The following FUBP3 variants were observed in gnomAD, a reference collection of about 807,000 sequenced individuals.
FUBP3 encodes the protein far upstream element binding protein 3.
In FUBP3, 28 loss-of-function variants were observed where a neutral mutation model predicts 85.6. That is an observed-to-expected ratio of 0.33 (90% confidence interval 0.24 to 0.45). FUBP3 has a LOEUF of 0.45. Among genes scored for constraint, FUBP3 ranks in the 20% least tolerant of loss-of-function variants. FUBP3 has a pLI of 1.00. For missense variants in FUBP3, 583 were observed against 755.1 expected (o/e 0.77, Z 2.67); for synonymous variants, 271 against 271.4 (o/e 1.00, Z 0.01).
intron 16 of FUBP3, among the ~76,000 whole-genome samples, chr9:130,632,872 C>T (rs1442383678): frequency 6.6e-6 from 1 of 152,292 alleles, no homozygotes; most frequent in Non-Finnish European, 1.5e-5. Flanking sequence ...GGTTTCAGAG[C>T]TGGTCTAGCC....
chr9:130,612,998 A>T lies in FUBP3; in HGVS notation c.317A>T (p.Glu106Val). 6.2e-7 allele frequency: 1 copy of T among 1,612,814 alleles called. No individual in the cohort carries two copies. The highest frequency in any genetic ancestry group is 2.2e-5 in the East Asian group (1 of 44,882). ...GGEQISRIQA[E>V]SGCKIQIASE... ...GAGCAGATTTCACGGATTCAAGCAG[A>T]ATCTGGTTGCAAAATTCAGATTGCT... Residue 106 changes from glutamate to valine, a missense_variant, in exon 5 of 19, where the codon GAA becomes GTA. Glu to Val is a moderately radical substitution (Grantham distance 121, BLOSUM62 -2). Coordinates refer to ENST00000319725, the MANE Select transcript of FUBP3 (RefSeq NM_003934.2). This position sits in a 1 kb window ranked among gnomAD's most constrained non-coding sequence, Gnocchi z 4.1.
chr9:130,636,493 C>T (rs1409763374), intron 18 of FUBP3, among the ~76,000 whole-genome samples: 2 of 152,258 alleles, frequency 1.3e-5, no homozygotes, highest in African/African-American at 2.4e-5. Flanking sequence ...CCGGCGACTG[C>T]TCTCGAGGAG....
At chr9:130,628,674 C>T (rs1302491898) in intron 12 of FUBP3, among the ~76,000 whole-genome samples, 1 of 152,232 alleles carries the variant, frequency 6.6e-6, no homozygotes, top group Non-Finnish European at 1.5e-5. Context: ...CTTTTGCCTC[C>T]AGACCAAGTG....
chr9:130,623,782 G>A, intron 11 of FUBP3, 71 bp downstream of exon 11: 1 of 995,006 alleles, frequency 1.0e-6, no homozygotes. Flanking sequence ...GGCTCTCGGT[G>A]CAGCACCATA....
At position 130,635,306 on chromosome 9, in the gene FUBP3, C is replaced by T. The variant is rs558884118; in HGVS notation, c.1582+568C>T. On this transcript the variant is annotated intron_variant, in intron 17 of 18. Transcript: ENST00000319725. The surrounding 1 kb of genome is among the most constrained non-coding windows in gnomAD (Gnocchi z 4.3). ...AACAAGCAAAAGGTCTCTGGGGAGT[C>T]ACATAAAATCAGGACCAGACTCTCG... 1.3e-5 allele frequency among the ~76,000 whole-genome samples: 2 copies of T among 152,290 alleles called. No individual in the cohort carries two copies. The highest frequency in any genetic ancestry group is 4.8e-5 in the African/African-American group (2 of 41,546).
At chr9:130,610,057 A>G in intron 3 of FUBP3, 70 bp downstream of exon 3, 4 of 1,204,944 alleles carry the variant, frequency 3.3e-6, no homozygotes, top group Non-Finnish European at 4.9e-6. Flanking sequence ...CATCTGTACT[A>G]GAGTGCTAGA....
chr9:130,630,825 T>G, intron 13 of FUBP3, 37 bp downstream of exon 13: 1 of 1,405,908 alleles, frequency 7.1e-7, no homozygotes. Context: ...GGTTTACTCA[T>G]AGCTGTTTTC....
Position 130,631,592 on chromosome 9 carries a change from G to C in FUBP3, c.1314G>C (p.Gln438His). Reference sequence around the variant, plus strand: ...TCGGAGCACCTGGAGCCTTCGGACAGAGTCCATTCAGCCAGCCACCTGCCC... The same window carrying C: ...TCGGAGCACCTGGAGCCTTCGGACACAGTCCATTCAGCCAGCCACCTGCCC... Reference protein sequence around the residue: ...TNLGAPGAFGQSPFSQPPAPP... With the variant: ...TNLGAPGAFGHSPFSQPPAPP... The change falls in exon 14 of 19, where the codon CAG becomes CAC. Residue 438 changes from glutamine (Q) to histidine (H), a missense_variant. Physicochemically the swap from Gln to His is conservative, Grantham distance 24. Coordinates refer to ENST00000319725, the MANE Select transcript of FUBP3 (RefSeq NM_003934.2). 1 of 1,614,092 alleles carries C rather than the reference G, an allele frequency of 6.2e-7. No homozygotes were observed. The highest frequency in any genetic ancestry group is 8.5e-7 in the Non-Finnish European group (1 of 1,179,928).
At chr9:130,617,762 A>G (rs1832081494) in intron 7 of FUBP3, 35 bp from the exon 8 acceptor site, 1 of 1,253,302 alleles carries the variant, frequency 8.0e-7, no homozygotes, top group African/African-American at 1.5e-5. Context: ...GCCCTGCATT[A>G]TTCATGAGGC....
chr9:130,602,290 G>A (rs964040882), intron 2 of FUBP3, among the ~76,000 whole-genome samples: 8 of 152,254 alleles, frequency 5.3e-5, no homozygotes, highest in Admixed American at 1.3e-4. Flanking sequence ...GTATTCTTAC[G>A]GGGTAAAGGA....
intron 16 of FUBP3, 28 bp from the exon 17 acceptor site, chr9:130,634,638 GC>G: frequency 6.2e-7 from 1 of 1,604,168 alleles, no homozygotes; most frequent in Non-Finnish European, 8.5e-7. Context: ...AGCCCGTAAG[GC>G]CTGACTGCTT....
At chr9:130,624,685 G>A (rs1054228055) in intron 11 of FUBP3, among the ~76,000 whole-genome samples, 2 of 151,456 alleles carry the variant, frequency 1.3e-5, no homozygotes, top group Non-Finnish European at 2.9e-5. Context: ...TAATGTTAGT[G>A]TATTTTATGG....
chr9:130,622,876 T>C, intron 10 of FUBP3, 66 bp downstream of exon 10: 1 of 753,386 alleles, frequency 1.3e-6, no homozygotes, highest in South Asian at 2.0e-5. Context: ...GTTAAAAGGA[T>C]GATAAAACAC....
rs1165157422 is a variant in FUBP3 at position 130,616,208 on chromosome 9, C to T, written c.405-147C>T. The T allele has an allele frequency of 1.0e-5, 7 of 686,394 alleles. No homozygotes were observed. The highest frequency in any genetic ancestry group is 1.8e-5 in the African/African-American group (1 of 55,502). The allele number at this position is 686,394 out of a possible 1,614,324, so 42.5% of individuals were successfully genotyped here. A position where few individuals can be genotyped will look rare whatever the true frequency, so the allele number is the denominator to read the frequency against. On this transcript the variant is annotated intron_variant, in intron 6 of 18. Transcript: ENST00000319725. The surrounding 1 kb of genome is among the most constrained non-coding windows in gnomAD (Gnocchi z 4.7). The stretch of plus-strand genomic sequence containing the variant: ...GGTAGCGTGGCGGATGGCAGAGAGA[C>T]CTCCGGGTTGTGGGGGCAGGAGCTG...
chr9:130,614,259 AC>A, intron 5 of FUBP3, 28 bp from the exon 6 acceptor site: 1 of 1,507,130 alleles, frequency 6.6e-7, no homozygotes, highest in Non-Finnish European at 9.2e-7. Flanking sequence ...GCCCACCAAC[AC>A]CCCTCATCTT....
At chr9:130,634,059 T>C (rs572226050) in intron 16 of FUBP3, among the ~76,000 whole-genome samples, 2 of 152,342 alleles carry the variant, frequency 1.3e-5, no homozygotes, top group East Asian at 1.9e-4. Context: ...GCTGAGGCTC[T>C]GTTCCCCCAT....
At chr9:130,581,244 T>A (rs1016612569) in intron 1 of FUBP3, 1 of 152,236 alleles carries the variant, frequency 6.6e-6, no homozygotes, top group African/African-American at 2.4e-5. Flanking sequence ...CTTGAGCCAG[T>A]GGTTGAACTC....
At chr9:130,605,973 G>A (rs1188978932) in intron 2 of FUBP3, among the ~76,000 whole-genome samples, 4 of 152,186 alleles carry the variant, frequency 2.6e-5, no homozygotes, top group African/African-American at 4.8e-5. Flanking sequence ...GACAGAGCGA[G>A]ACTCTGTCTC....
intron 8 of FUBP3, 38 bp from the exon 9 acceptor site, chr9:130,620,305 TTTTTTCAGGAA>T (rs1165078529): frequency 8.5e-6 from 10 of 1,171,520 alleles, no homozygotes; most frequent in Non-Finnish European, 1.2e-5. Context: ...GTGATGTATC[TTTTTTCAGGAA>T]TTTTTTCTCA....
Sources: gnomAD v4.1 joint callset for allele counts (sites outside exome capture counted in the v4.1 genomes callset) on GRCh38, gnomAD v4.1.1 for gene constraint, Gnocchi (gnomAD v3.1) non-coding constraint, MANE v1.5 for transcripts, NCBI Gene and HGNC (gene_info 2026-07-23, HGNC 2026-07-21) for gene names.